PIK3R4: variants seen among roughly 807,000 people sequenced by gnomAD.
The protein encoded by PIK3R4 is phosphoinositide-3-kinase regulatory subunit 4, also known as phosphoinositide 3-kinase regulatory subunit 4.
PIK3R4 carries 46 observed loss-of-function variants against 136.5 expected under a neutral mutation model. That is an observed-to-expected ratio of 0.34 (90% CI 0.27 to 0.43). PIK3R4 has a LOEUF of 0.43. Ranked by LOEUF, PIK3R4 falls within the 20% of genes least tolerant of loss-of-function variation. The pLI is 1.00. For synonymous variants in PIK3R4, 557 were observed against 566.7 expected, an observed-to-expected ratio of 0.98 and a Z score of 0.24; for missense variants, 1,331 against 1,649.5, an observed-to-expected ratio of 0.81 and a Z score of 3.35.
chr3:130,680,872 TA>T, intron 18 of PIK3R4, 104 bp downstream of exon 18: 1 of 760,018 alleles, frequency 1.3e-6, no homozygotes, highest in Non-Finnish European at 2.2e-6. Flanking sequence ...AATAAAGTAT[TA>T]ACAGCTGTCC....
chr3:130,697,148 C>A (rs2066550513), intron 13 of PIK3R4, among the ~76,000 whole-genome samples: 1 of 137,008 alleles, frequency 7.3e-6, no homozygotes, highest in African/African-American at 2.7e-5. Flanking sequence ...CAGCTCAGTG[C>A]AACCCCCACC....
At chr3:130,717,003 T>A (rs2066668601) in intron 8 of PIK3R4, among the ~76,000 whole-genome samples, 1 of 152,220 alleles carries the variant, frequency 6.6e-6, no homozygotes, top group Non-Finnish European at 1.5e-5. Flanking sequence ...AGTTATCACA[T>A]TTTCGTGGTA....
At position 130,744,887 on chromosome 3, in the gene PIK3R4, T is replaced by C. The variant is rs1233697053; in HGVS notation, c.332A>G (p.Tyr111Cys). The change falls in exon 2 of 20, where the codon TAT (tyrosine) becomes TGT (cysteine). Residue 111 changes from tyrosine to cysteine, a missense_variant. By Grantham distance (194) the Tyr-to-Cys change is radical. Transcript: ENST00000356763. ...LFRQYVRDNLYDRISTRPFLN... is the reference protein window; with the variant it reads ...LFRQYVRDNLCDRISTRPFLN... ...GAATGGACGGGTACTGATGCGATCA[T>C]AGAGATTGTCTCGCACATACTGCCT... is the stretch of plus-strand genomic sequence containing the variant. The C allele has an allele frequency of 6.8e-6, 11 of 1,614,234 alleles. No individual in the cohort carries two copies. Among genetic ancestry groups the C allele is most frequent in the East Asian group, 4.5e-5 (2 of 44,886 alleles).
rs144097697 is a variant in PIK3R4 at position 130,741,986 on chromosome 3, T to G, written c.733+2500A>C. ...ACGTACAACAAAACCATTTATTTTC[T>G]CACCATTTCATTATAATGAAAACGA... On this transcript the variant is annotated intron_variant, in intron 2 of 19. Coordinates refer to ENST00000356763, the MANE Select transcript of PIK3R4 (RefSeq NM_014602.3). Among the ~76,000 whole-genome samples, 12 of 152,334 alleles carry G rather than the reference T, an allele frequency of 7.9e-5. No individual in the cohort carries two copies. The East Asian group carries it at 2.3e-3, about 29-fold the overall frequency.
chr3:130,717,775 C>T (rs1236806414), intron 8 of PIK3R4, among the ~76,000 whole-genome samples: 2 of 152,144 alleles, frequency 1.3e-5, no homozygotes, highest in African/African-American at 2.4e-5. Flanking sequence ...CAGCTAGAAT[C>T]GTCCTTCGCC....
At chr3:130,746,163 G>A (rs2066852182) in intron 1 of PIK3R4, among the ~76,000 whole-genome samples, 155 bp downstream of exon 1, 1 of 152,166 alleles carries the variant, frequency 6.6e-6, no homozygotes, top group Non-Finnish European at 1.5e-5. Context: ...AAACTTCGCT[G>A]GTCTGCAACA....
intron 15 of PIK3R4, among the ~76,000 whole-genome samples, chr3:130,685,901 T>A (rs2066487203): frequency 6.6e-6 from 1 of 152,202 alleles, no homozygotes; most frequent in South Asian, 2.1e-4. Context: ...TTAAGTCTGC[T>A]GCTTCACTGC....
rs183334087 is a variant in PIK3R4, at chr3:130,696,079, T to C, written c.3099-5425A>G. ...TTTGCTGGCATACAATTGTTCATGG[T>C]ATTCCTTTCATAGTACTCTTTTTTT... On this transcript the variant is annotated intron_variant, in intron 13 of 19. Coordinates refer to ENST00000356763, the MANE Select transcript of PIK3R4 (RefSeq NM_014602.3). Among the ~76,000 whole-genome samples, 26 of 152,300 alleles carry C rather than the reference T, an allele frequency of 1.7e-4. 1 individual carries two copies.
intron 9 of PIK3R4, among the ~76,000 whole-genome samples, chr3:130,714,282 T>A (rs1334344597): frequency 2.0e-5 from 3 of 152,216 alleles, no homozygotes; most frequent in Non-Finnish European, 4.4e-5. Context: ...TTATGGCTCA[T>A]AGAGCATATA....
At chr3:130,738,693 A>C (rs1241408518) in intron 2 of PIK3R4, among the ~76,000 whole-genome samples, 1 of 152,100 alleles carries the variant, frequency 6.6e-6, no homozygotes, top group Non-Finnish European at 1.5e-5. Flanking sequence ...AATGCTTAAA[A>C]AAAAAAAAAA....
At position 130,730,447 on chromosome 3, in the gene PIK3R4, A is replaced by G. The variant is rs2066755246; in HGVS notation, c.1451-5T>C. ...CTGCCAGCAGAGCTATGTTTTCTAT[A>G]AAATAAAAAGGAAGAAAATTTATAA... On this transcript the variant is annotated splice_region_variant and splice_polypyrimidine_tract_variant and intron_variant, in intron 4 of 19. Transcript: ENST00000356763. 1 of 1,555,540 alleles carries G rather than the reference A, an allele frequency of 6.4e-7. No individual in the cohort carries two copies. The highest frequency in any genetic ancestry group is 2.2e-5 in the Admixed American group (1 of 45,522).
intron 9 of PIK3R4, 38 bp from the exon 10 acceptor site, chr3:130,708,530 C>G: frequency 1.3e-6 from 2 of 1,540,914 alleles, no homozygotes; most frequent in Non-Finnish European, 1.8e-6. Flanking sequence ...AGTTTATTTT[C>G]ACAAATAATA....
At chr3:130,692,682 G>A (rs1246513809) in intron 13 of PIK3R4, among the ~76,000 whole-genome samples, 1 of 152,162 alleles carries the variant, frequency 6.6e-6, no homozygotes, top group Non-Finnish European at 1.5e-5. Flanking sequence ...GTCTTTGTGT[G>A]GACAAATGTC....
chr3:130,721,269 G>A (rs914881072), intron 7 of PIK3R4, among the ~76,000 whole-genome samples: 2 of 151,628 alleles, frequency 1.3e-5, no homozygotes, highest in African/African-American at 2.4e-5. Flanking sequence ...CCTGGGAGGC[G>A]GAGCTTGCAG....
intron 2 of PIK3R4, among the ~76,000 whole-genome samples, chr3:130,738,851 TAATA>T (rs980240344): frequency 6.6e-6 from 1 of 151,990 alleles, no homozygotes; most frequent in African/African-American, 2.4e-5. Flanking sequence ...TCTATACCAA[TAATA>T]AATAAATAAA....
At chr3:130,689,608 T>A (rs1318137223) in intron 14 of PIK3R4, among the ~76,000 whole-genome samples, 12 of 152,180 alleles carry the variant, frequency 7.9e-5, no homozygotes, top group Non-Finnish European at 1.5e-5. Context: ...TGGCCATGGC[T>A]TATCATCCAC....
intron 13 of PIK3R4, among the ~76,000 whole-genome samples, chr3:130,699,208 T>G (rs563951189): frequency 4.5e-4 from 68 of 152,356 alleles, no homozygotes; most frequent in African/African-American, 1.5e-3. Flanking sequence ...AGCCTGCTGA[T>G]GCCACCTCAA....
intron 13 of PIK3R4, among the ~76,000 whole-genome samples, chr3:130,703,239 G>A (rs183687173): frequency 5.9e-5 from 9 of 152,132 alleles, no homozygotes; most frequent in Middle Eastern, 3.4e-3. Flanking sequence ...CCTCCACCTC[G>A]CTCACTTTGC....
intron 11 of PIK3R4, 148 bp from the exon 12 acceptor site, chr3:130,705,919 A>AT (rs1414666275): frequency 9.5e-5 from 49 of 513,236 alleles, no homozygotes; most frequent in South Asian, 5.6e-4. Context: ...TTACAATTAC[A>AT]TTTTTTAGTG....
Sources: gnomAD v4.1 joint callset for allele counts (sites outside exome capture counted in the v4.1 genomes callset) on GRCh38, gnomAD v4.1.1 for gene constraint, MANE v1.5 for transcripts, NCBI Gene and HGNC (gene_info 2026-07-23, HGNC 2026-07-21) for gene names.